Variants in SPCS2 observed in about 807,000 individuals in gnomAD.
SPCS2 encodes signal peptidase complex subunit 2, also known as SPase 25 kDa subunit.
In SPCS2, 3 loss-of-function variants were observed where a neutral mutation model predicts 22.3. The observed-to-expected ratio is 0.13, with a 90% CI of 0.06 to 0.35. The LOEUF (loss-of-function observed/expected upper bound fraction) is 0.35, where lower values mean the gene tolerates loss of function less well. Among genes scored for constraint, SPCS2 ranks in the 10% least tolerant of loss-of-function variants. The pLI is 1.00. For missense variants in SPCS2, 169 were observed against 280.9 expected, an observed-to-expected ratio of 0.60 and a Z score of 2.85; for synonymous variants, 67 against 97.2, an observed-to-expected ratio of 0.69 and a Z score of 1.83.
intron 4 of SPCS2, 129 bp from the exon 5 acceptor site, chr11:74,976,728 G>A: frequency 1.7e-6 from 2 of 1,154,842 alleles, no homozygotes; most frequent in South Asian, 3.1e-5. Flanking sequence ...TGCTTTTAAA[G>A]GATGTGTTTG....
chr11:74,974,524 G>A (rs540737721), intron 4 of SPCS2, among the ~76,000 whole-genome samples: 2 of 152,124 alleles, frequency 1.3e-5, no homozygotes, highest in African/African-American at 2.4e-5. Flanking sequence ...AGCAAATCCT[G>A]TTAGCTCCAC....
In SPCS2 at chr11:74,965,025, G is replaced by A. The variant is rs562177165; in HGVS notation, c.115-9G>A. The stretch of plus-strand genomic sequence containing the variant: ...TTCTTGATGCACAACTTTTTTGTTT[G>A]TTTTACAGTGGAAGATAGATGATAA... On this transcript the variant is annotated splice_polypyrimidine_tract_variant and intron_variant, in intron 1 of 4. Coordinates refer to ENST00000263672, the MANE Select transcript of SPCS2 (RefSeq NM_014752.3). 3.2e-5 allele frequency: 50 copies of A among 1,542,448 alleles called. No homozygotes were observed. The highest frequency in any genetic ancestry group is 4.3e-5 in the Non-Finnish European group (49 of 1,143,132).
chr11:74,953,274 C>T (rs543293029), intron 1 of SPCS2, among the ~76,000 whole-genome samples: 1 of 151,452 alleles, frequency 6.6e-6, no homozygotes, highest in East Asian at 1.9e-4. Flanking sequence ...CTCACTGCAA[C>T]CCCCGCCTCC....
chr11:74,959,012 T>A (rs555990795), intron 1 of SPCS2, among the ~76,000 whole-genome samples: 1 of 152,356 alleles, frequency 6.6e-6, no homozygotes, highest in South Asian at 2.1e-4. Context: ...TTTAGCCTAA[T>A]AACTAGGAAA....
intron 3 of SPCS2, among the ~76,000 whole-genome samples, chr11:74,967,214 T>C (rs1948552062): frequency 6.6e-6 from 1 of 152,300 alleles, no homozygotes. Context: ...AGATTAATCA[T>C]CCCAGTATGA....
chr11:74,974,604 A>G (rs1242522441), intron 4 of SPCS2, among the ~76,000 whole-genome samples: 1 of 152,066 alleles, frequency 6.6e-6, no homozygotes, highest in East Asian at 1.9e-4. Context: ...TGTTACTGTA[A>G]TGATGTTCTT....
chr11:74,970,352 G>T (rs967459328), intron 4 of SPCS2, among the ~76,000 whole-genome samples: 20 of 152,108 alleles, frequency 1.3e-4, no homozygotes, highest in Non-Finnish European at 1.5e-5. Flanking sequence ...TGTATGTTGG[G>T]TATTCTGCTA....
intron 3 of SPCS2, among the ~76,000 whole-genome samples, chr11:74,966,956 C>T (rs993780251): frequency 2.0e-5 from 3 of 152,136 alleles, no homozygotes; most frequent in Non-Finnish European, 2.9e-5. Flanking sequence ...GGTCCTACTA[C>T]GTTGCCTAGG....
intron 4 of SPCS2, among the ~76,000 whole-genome samples, chr11:74,971,258 C>T (rs575400638): frequency 6.6e-6 from 1 of 152,318 alleles, no homozygotes; most frequent in Non-Finnish European, 1.5e-5. Context: ...CATTTGTTGA[C>T]AGACATTTGG....
intron 1 of SPCS2, among the ~76,000 whole-genome samples, chr11:74,956,476 C>T (rs1209301289): frequency 6.6e-6 from 1 of 152,170 alleles, no homozygotes; most frequent in Admixed American, 6.5e-5. Context: ...CAAACAAAAA[C>T]CTGAGAGTTA....
intron 4 of SPCS2, among the ~76,000 whole-genome samples, chr11:74,973,010 T>C (rs1449168091): frequency 1.3e-5 from 2 of 152,088 alleles, no homozygotes; most frequent in African/African-American, 2.4e-5. Flanking sequence ...TAGGTGGGAA[T>C]TGAACAATGA....
At chr11:74,953,557 C>T (rs976482602) in intron 1 of SPCS2, among the ~76,000 whole-genome samples, 2 of 152,226 alleles carry the variant, frequency 1.3e-5, no homozygotes, top group East Asian at 3.9e-4. Flanking sequence ...TTTATTTCTG[C>T]AGCTGTAGTT....
intron 1 of SPCS2, 77 bp downstream of exon 1, chr11:74,949,476 C>T (rs757387593): frequency 3.5e-5 from 46 of 1,297,248 alleles, no homozygotes; most frequent in Middle Eastern, 1.8e-4. Context: ...CCATCCCGGT[C>T]TCCCTTATTT....
At chr11:74,953,354 G>A (rs1293271550) in intron 1 of SPCS2, among the ~76,000 whole-genome samples, 2 of 151,862 alleles carry the variant, frequency 1.3e-5, no homozygotes, top group East Asian at 3.9e-4. Flanking sequence ...CTCCATACCC[G>A]GCTAATTTTT....
At chr11:74,949,642 C>G (rs1470710427) in intron 1 of SPCS2, 3 of 563,948 alleles carry the variant, frequency 5.3e-6, no homozygotes, top group East Asian at 4.1e-5. Context: ...GTCGCCACAC[C>G]TTTTTCGGTA....
intron 1 of SPCS2, among the ~76,000 whole-genome samples, chr11:74,952,566 C>A (rs1471921612): frequency 6.6e-6 from 1 of 152,236 alleles, no homozygotes; most frequent in East Asian, 1.9e-4. Context: ...ATCTGCCCAC[C>A]TCAGCCTCCC....
At position 74,977,201 on chromosome 11, in the gene SPCS2, T is replaced by C. The variant is rs1948620354; in HGVS notation, c.*158T>C. The C allele has an allele frequency of 3.3e-6, 4 of 1,220,984 alleles. No homozygotes were observed. The highest frequency in any genetic ancestry group is 2.9e-4 in the Middle Eastern group (1 of 3,434). The allele number at this position is 1,220,984 out of a possible 1,614,324, so 75.6% of individuals were successfully genotyped here. A position where few individuals can be genotyped will look rare whatever the true frequency, so the allele number is the denominator to read the frequency against. ...AGTCTATTCTGGGTAAATAGGATTT[T>C]CTGACACAGATATGAGAAGTTGTAG... On this transcript the variant is annotated 3_prime_UTR_variant, in exon 5 of 5. Coordinates refer to ENST00000263672, the MANE Select transcript of SPCS2 (RefSeq NM_014752.3).
chr11:74,956,777 T>C (rs1157003956), intron 1 of SPCS2, among the ~76,000 whole-genome samples: 5 of 152,132 alleles, frequency 3.3e-5, no homozygotes, highest in Non-Finnish European at 7.4e-5. Flanking sequence ...CCCCTGCATG[T>C]TCTTGATCCT....
chr11:74,965,804 A>G lies in SPCS2; in HGVS notation c.240A>G (p.Leu80=). Residue 80 remains leucine (L), a synonymous_variant, in exon 3 of 5, where the codon CTA becomes CTG. Transcript: ENST00000263672. ...EKYKYVENFG[L]IDGRLTICTI... ...ACAAATATGTGGAGAATTTTGGTCT[A>G]ATTGATGGTCGCCTCACCATCTGTA... 1 of 1,613,108 alleles carries G rather than the reference A, an allele frequency of 6.2e-7. No individual in the cohort carries two copies. Among genetic ancestry groups the G allele is most frequent in the Non-Finnish European group, 8.5e-7 (1 of 1,179,284 alleles).
Sources: allele counts gnomAD v4.1 joint callset (sites outside exome capture counted in the v4.1 genomes callset), GRCh38; gene constraint gnomAD v4.1.1; transcripts MANE v1.5; gene names NCBI Gene and HGNC (gene_info 2026-07-23, HGNC 2026-07-21).